Variants in CACNG3 observed in about 807,000 individuals in gnomAD.
CACNG3 encodes voltage-dependent calcium channel gamma-3 subunit.
Under a neutral mutation model 28.5 loss-of-function variants are expected in CACNG3, and 3 were observed. The observed-to-expected ratio is 0.11, with a 90% CI of 0.05 to 0.27. The LOEUF is 0.27. CACNG3 is among the 10% of genes least tolerant of loss of function. CACNG3 has a pLI of 1.00. For missense variants in CACNG3, 236 were observed against 414.4 expected, an observed-to-expected ratio of 0.57 and a Z score of 3.74; for synonymous variants, 174 against 162.2, an observed-to-expected ratio of 1.07 and a Z score of -0.55.
chr16:24,361,018 T>A lies in CACNG3; in HGVS notation c.437-334T>A, dbSNP rs1426842226. Among the ~76,000 whole-genome samples the A allele has an allele frequency of 6.6e-6, 1 of 152,246 alleles. No homozygotes were observed. Among genetic ancestry groups the A allele is most frequent in the African/African-American group, 2.4e-5 (1 of 41,470 alleles). ...GCAGAGGCGTGTATCTTGTTCATTT[T>A]ACAATCTTCATGACTTAGTGCCAAA... On this transcript the variant is annotated intron_variant, in intron 3 of 3. Transcript: ENST00000005284. The surrounding 1 kb of genome is among the most constrained non-coding windows in gnomAD (Gnocchi z 6.8).
At chr16:24,317,648 A>AAAAAAAGAAAG (rs1555460582) in intron 1 of CACNG3, among the ~76,000 whole-genome samples, 1 of 55,718 alleles carries the variant, frequency 1.8e-5, no homozygotes, top group African/African-American at 8.5e-5. Context: ...GAAAGAAAAG[A>AAAAAAAGAAAG]AAAGAAAGAA....
At chr16:24,295,739 C>T (rs1263585891) in intron 1 of CACNG3, among the ~76,000 whole-genome samples, 2 of 152,080 alleles carry the variant, frequency 1.3e-5, no homozygotes, top group East Asian at 3.9e-4. Context: ...GTCCCAGCTA[C>T]TCTGGAGGCT....
At chr16:24,285,139 T>A (rs1898876346) in intron 1 of CACNG3, among the ~76,000 whole-genome samples, 1 of 152,098 alleles carries the variant, frequency 6.6e-6, no homozygotes, top group South Asian at 2.1e-4. Context: ...TTCACACTCA[T>A]CAGGACTTAC....
At chr16:24,313,112 C>G (rs571775652) in intron 1 of CACNG3, among the ~76,000 whole-genome samples, 3 of 83,386 alleles carry the variant, frequency 3.6e-5, no homozygotes, top group South Asian at 4.4e-4. Context: ...AGGAAGGAAG[C>G]TTCTGTCATC....
intron 1 of CACNG3, among the ~76,000 whole-genome samples, chr16:24,320,332 C>A (rs1208158162): frequency 6.6e-6 from 1 of 152,120 alleles, no homozygotes; most frequent in Non-Finnish European, 1.5e-5. Context: ...TGCTCTGCAG[C>A]AAAACTTAGA....
chr16:24,298,967 A>G (rs1376140627), intron 1 of CACNG3, among the ~76,000 whole-genome samples: 1 of 152,190 alleles, frequency 6.6e-6, no homozygotes, highest in Non-Finnish European at 1.5e-5. Flanking sequence ...TGCTATCAAC[A>G]TGACTCACCA....
chr16:24,343,060 A>G (rs894762795), intron 1 of CACNG3, among the ~76,000 whole-genome samples: 1 of 152,094 alleles, frequency 6.6e-6, no homozygotes, highest in African/African-American at 2.4e-5. Flanking sequence ...ATAGTGGTGC[A>G]TGCCTGTAGT....
At chr16:24,342,937 C>G (rs2141378431) in intron 1 of CACNG3, among the ~76,000 whole-genome samples, 1 of 152,208 alleles carries the variant, frequency 6.6e-6, no homozygotes, top group African/African-American at 2.4e-5. Context: ...CCCCTGTAAT[C>G]CCAGCACTTC....
At chr16:24,267,628 T>C (rs1303855408) in intron 1 of CACNG3, among the ~76,000 whole-genome samples, 2 of 151,884 alleles carry the variant, frequency 1.3e-5, no homozygotes, top group Admixed American at 6.6e-5. Context: ...ACAAACACCT[T>C]CTATGTGCCT....
intron 2 of CACNG3, among the ~76,000 whole-genome samples, chr16:24,348,879 T>G (rs1899904949): frequency 6.6e-6 from 1 of 152,228 alleles, no homozygotes; most frequent in African/African-American, 2.4e-5. Flanking sequence ...TCACAACTTG[T>G]ATAGCTGATT....
intron 1 of CACNG3, among the ~76,000 whole-genome samples, chr16:24,336,397 G>A (rs1304540015): frequency 6.6e-6 from 1 of 150,390 alleles, no homozygotes; most frequent in Non-Finnish European, 1.5e-5. Context: ...TCAGCCTCCC[G>A]AGTAGCAGGG....
At chr16:24,325,491 C>T (rs1198452042) in intron 1 of CACNG3, among the ~76,000 whole-genome samples, 2 of 152,212 alleles carry the variant, frequency 1.3e-5, no homozygotes, top group Non-Finnish European at 2.9e-5. Context: ...GGAGCCAGAC[C>T]CCAGTGCTGG....
chr16:24,259,392 C>T (rs1220300968), intron 1 of CACNG3, among the ~76,000 whole-genome samples: 1 of 152,196 alleles, frequency 6.6e-6, no homozygotes, highest in Admixed American at 6.5e-5. Context: ...TAGCATCCAT[C>T]CCAGGCATTT....
chr16:24,325,392 C>G (rs1899527587), intron 1 of CACNG3, among the ~76,000 whole-genome samples: 1 of 152,132 alleles, frequency 6.6e-6, no homozygotes, highest in African/African-American at 2.4e-5. Flanking sequence ...GCAGAGTCAC[C>G]CACCACCAAC....
chr16:24,339,387 CT>C (rs1172337482), intron 1 of CACNG3, among the ~76,000 whole-genome samples: 296 of 143,178 alleles, frequency 2.1e-3, no homozygotes, highest in Admixed American at 3.2e-3. Context: ...CTGCTTCTTC[CT>C]TTTTTTTTTT....
chr16:24,287,029 A>G (rs898547496), intron 1 of CACNG3, among the ~76,000 whole-genome samples: 1 of 152,208 alleles, frequency 6.6e-6, no homozygotes, highest in Non-Finnish European at 1.5e-5. Flanking sequence ...GCACCCCAGA[A>G]CACAATGGAT....
At position 24,346,795 on chromosome 16, in the gene CACNG3, G is replaced by A; in HGVS notation, c.273G>A (p.Gln91=). The change falls in exon 2 of 4, where the codon CAG becomes CAA. Residue 91 remains glutamine, a synonymous_variant. Transcript: ENST00000005284. ...DHFPEDADYE[Q]DTAEYLLRAV... is the part of the protein sequence containing the mutation. ...TCCCTGAAGATGCTGACTACGAACA[G>A]GACACAGCCGAATATCTCCTGCGTA... The A allele has an allele frequency of 2.5e-6, 4 of 1,614,114 alleles. No individual in the cohort carries two copies. Among genetic ancestry groups the A allele is most frequent in the Middle Eastern group, 1.6e-4 (1 of 6,062 alleles).
At chr16:24,334,502 G>C (rs1184164090) in intron 1 of CACNG3, among the ~76,000 whole-genome samples, 2 of 152,180 alleles carry the variant, frequency 1.3e-5, no homozygotes, top group South Asian at 4.1e-4. Flanking sequence ...CAGAGGAGAT[G>C]GATGTGAGAA....
chr16:24,260,358 A>G (rs1238907709), intron 1 of CACNG3, among the ~76,000 whole-genome samples: 3 of 152,208 alleles, frequency 2.0e-5, no homozygotes, highest in East Asian at 3.8e-4. Flanking sequence ...TTTAGCACTT[A>G]CTATGTGCTC....
Sources: allele counts gnomAD v4.1 joint callset (sites outside exome capture counted in the v4.1 genomes callset), GRCh38; gene constraint gnomAD v4.1.1; non-coding constraint Gnocchi (gnomAD v3.1); transcripts MANE v1.5; gene names NCBI Gene and HGNC (gene_info 2026-07-23, HGNC 2026-07-21).